Variants in TNIK observed in about 807,000 individuals in gnomAD.
The protein encoded by TNIK is TRAF2 and NCK-interacting protein kinase.
A neutral mutation model predicts 191.3 loss-of-function variants in TNIK; 49 were observed. The observed-to-expected ratio is 0.26, with a 90% confidence interval of 0.20 to 0.32. The LOEUF (loss-of-function observed/expected upper bound fraction) is 0.32. Among genes scored for constraint, TNIK ranks in the 10% least tolerant of loss-of-function variants. The probability of loss-of-function intolerance (pLI) is 1.00; values close to 1 mark genes in which losing one functional copy is unlikely to be tolerated. For synonymous variants in TNIK, 594 were observed against 600.9 expected (o/e 0.99, Z 0.17); for missense variants, 1,155 against 1,702.3 (o/e 0.68, Z 5.66).
intron 7 of TNIK, 150 bp from the exon 8 acceptor site, chr3:171,177,530 G>A: frequency 1.1e-6 from 1 of 914,504 alleles, no homozygotes; most frequent in Non-Finnish European, 1.6e-6. Flanking sequence ...AGCAGAAACA[G>A]TCTTACTTTT....
intron 3 of TNIK, among the ~76,000 whole-genome samples, chr3:171,223,898 A>G (rs1742666144): frequency 6.6e-6 from 1 of 152,120 alleles, no homozygotes; most frequent in African/African-American, 2.4e-5. Flanking sequence ...CCCACCCAGC[A>G]TCTTTCCCAC....
chr3:171,317,926 T>C (rs1754810811), intron 2 of TNIK, among the ~76,000 whole-genome samples: 1 of 152,168 alleles, frequency 6.6e-6, no homozygotes, highest in Admixed American at 6.6e-5. Context: ...TGTGTCTACC[T>C]TTCCCATGGG....
chr3:171,068,741 G>A (rs1718787474), intron 30 of TNIK, 107 bp downstream of exon 30: 1 of 1,127,432 alleles, frequency 8.9e-7, no homozygotes, highest in Admixed American at 3.7e-5. Context: ...CCATTTGCTG[G>A]TTAGTAAAGT....
intron 2 of TNIK, among the ~76,000 whole-genome samples, chr3:171,312,886 T>G (rs969779970): frequency 6.6e-6 from 1 of 152,146 alleles, no homozygotes; most frequent in African/African-American, 2.4e-5. Context: ...CCTTGAGTAT[T>G]CATGGCAATT....
chr3:171,217,624 C>T (rs770557183), intron 3 of TNIK, among the ~76,000 whole-genome samples: 1 of 152,048 alleles, frequency 6.6e-6, no homozygotes, highest in Non-Finnish European at 1.5e-5. Context: ...TTGTAAATGT[C>T]AATAATATAA....
chr3:171,290,265 T>C (rs1289209649), intron 2 of TNIK, among the ~76,000 whole-genome samples: 4 of 152,172 alleles, frequency 2.6e-5, no homozygotes, highest in Admixed American at 6.5e-5. Flanking sequence ...ACATTTAAAT[T>C]TGGTAAACAT....
chr3:171,447,096 C>T (rs1047195249), intron 1 of TNIK, among the ~76,000 whole-genome samples: 1 of 152,066 alleles, frequency 6.6e-6, no homozygotes, highest in Non-Finnish European at 1.5e-5. Context: ...GAGGCTGAGG[C>T]GGGAGAATCG....
chr3:171,110,752 C>T lies in TNIK; in HGVS notation c.2246G>A (p.Gly749Glu). The T allele has an allele frequency of 6.2e-7, 1 of 1,601,948 alleles. No individual in the cohort carries two copies. The highest frequency in any genetic ancestry group is 8.5e-7 in the Non-Finnish European group (1 of 1,174,420). ...GCGTTCACTGGATCCTGCTTGTGAT[C>T]CAGGCTGGGAGCCTCCTTGGGAGCT... Reference protein sequence around the residue: ...QPSSQGGSQPGSQAGSSERTR... With the variant: ...QPSSQGGSQPESQAGSSERTR... Residue 749 changes from glycine (G) to glutamate (E), a missense_variant, in exon 19 of 33, where the codon GGA (glycine) becomes GAA (glutamate). Gly to Glu is a moderately conservative substitution (Grantham distance 98, BLOSUM62 -2). Around this residue, in one of 3 missense-constraint regions of TNIK, gnomAD observed 735 missense variants for 848.0 expected, o/e 0.87. Transcript: ENST00000436636.
chr3:171,403,606 C>T (rs1274429459), intron 1 of TNIK, among the ~76,000 whole-genome samples: 3 of 104,566 alleles, frequency 2.9e-5, no homozygotes, highest in East Asian at 2.3e-4. Flanking sequence ...AGTGAGACTC[C>T]GTATCAAAAA....
At position 171,297,177 on chromosome 3, in the gene TNIK, G is replaced by T. The variant is rs575300016; in HGVS notation, c.124-68956C>A. Among the ~76,000 whole-genome samples, 5 of 152,252 alleles carry T rather than the reference G, an allele frequency of 3.3e-5. No homozygotes were observed. In the East Asian group the frequency reaches 9.6e-4, roughly 29 times the overall value. On this transcript the variant is annotated intron_variant, in intron 2 of 32. Transcript: ENST00000436636. The stretch of plus-strand genomic sequence containing the variant: ...CCCTTTCCAAAAGGGGAAAGACCGG[G>T]GGCGGAAGGAAGAGAAGACAAGAAG...
At chr3:171,215,372 A>G (rs548168020) in intron 3 of TNIK, among the ~76,000 whole-genome samples, 1 of 152,302 alleles carries the variant, frequency 6.6e-6, no homozygotes, top group Admixed American at 6.5e-5. Flanking sequence ...GTATGTATGA[A>G]CTATCTTATT....
At chr3:171,317,691 C>T (rs560807629) in intron 2 of TNIK, among the ~76,000 whole-genome samples, 1 of 152,242 alleles carries the variant, frequency 6.6e-6, no homozygotes, top group South Asian at 2.1e-4. Flanking sequence ...ATAAGTTAGG[C>T]CCCAGACTTT....
intron 1 of TNIK, among the ~76,000 whole-genome samples, chr3:171,429,858 A>G (rs768648168): frequency 4.6e-5 from 7 of 152,156 alleles, no homozygotes; most frequent in Non-Finnish European, 1.5e-5. Flanking sequence ...AGTGGTTTGC[A>G]GCATTCCTCC....
intron 24 of TNIK, among the ~76,000 whole-genome samples, chr3:171,085,513 T>A (rs901038916): frequency 6.6e-6 from 1 of 152,232 alleles, no homozygotes; most frequent in Non-Finnish European, 1.5e-5. Flanking sequence ...ATCTGTAAGA[T>A]CACTGTGGTG....
At chr3:171,317,599 T>C (rs1435361782) in intron 2 of TNIK, among the ~76,000 whole-genome samples, 1 of 152,152 alleles carries the variant, frequency 6.6e-6, no homozygotes, top group Non-Finnish European at 1.5e-5. Flanking sequence ...AATGGGAGAC[T>C]GGGAATCTGG....
intron 3 of TNIK, among the ~76,000 whole-genome samples, chr3:171,216,819 A>T (rs1741510284): frequency 6.6e-6 from 1 of 152,090 alleles, no homozygotes; most frequent in Non-Finnish European, 1.5e-5. Context: ...ATTACAATAG[A>T]TTGTAATAAA....
chr3:171,440,615 A>G (rs914518328), intron 1 of TNIK, among the ~76,000 whole-genome samples: 6 of 152,238 alleles, frequency 3.9e-5, no homozygotes, highest in Non-Finnish European at 8.8e-5. Context: ...AGTTTAGCCT[A>G]TGCTGTAAGT....
intron 27 of TNIK, among the ~76,000 whole-genome samples, chr3:171,079,986 C>T (rs1273603488): frequency 1.3e-5 from 2 of 152,174 alleles, no homozygotes; most frequent in Non-Finnish European, 2.9e-5. Flanking sequence ...ACAGAGTGAT[C>T]AGAGTTCCAG....
At chr3:171,388,282 T>C (rs573057277) in intron 1 of TNIK, among the ~76,000 whole-genome samples, 36 of 152,334 alleles carry the variant, frequency 2.4e-4, no homozygotes, top group African/African-American at 8.7e-4. Context: ...TGGCTTAGAA[T>C]CTTATTTTTA....
Sources: gnomAD v4.1 joint callset for allele counts (sites outside exome capture counted in the v4.1 genomes callset) on GRCh38, gnomAD v4.1.1 for gene constraint, gnomAD v4.1.1 regional missense constraint, MANE v1.5 for transcripts, NCBI Gene and HGNC (gene_info 2026-07-23, HGNC 2026-07-21) for gene names.